Variants in CMBL observed in about 807,000 individuals in gnomAD.
CMBL encodes carboxymethylenebutenolidase homolog, also known as carboxymethylenebutenolidase homolog (Pseudomonas).
Under a neutral mutation model 28.7 loss-of-function variants are expected in CMBL, and 17 were observed. The observed-to-expected ratio is 0.59, with a 90% CI of 0.41 to 0.89. The LOEUF (loss-of-function observed/expected upper bound fraction) is 0.89. Ranked by LOEUF, CMBL falls within the 40% of genes least tolerant of loss-of-function variation. CMBL has a pLI of 0.00. For missense variants in CMBL, 310 were observed against 298.5 expected (o/e 1.04, Z -0.28); for synonymous variants, 106 against 101.6 (o/e 1.04, Z -0.26).
intron 2 of CMBL, 144 bp from the exon 3 acceptor site, chr5:10,288,673 G>A (rs1579472522): frequency 4.7e-6 from 3 of 640,400 alleles, no homozygotes; most frequent in South Asian, 1.7e-5. Context: ...AATTTTGATC[G>A]CAGCAAAGCA....
chr5:10,304,844 C>T (rs1746968958), intron 1 of CMBL, among the ~76,000 whole-genome samples: 1 of 152,002 alleles, frequency 6.6e-6, no homozygotes, highest in South Asian at 2.1e-4. Flanking sequence ...ATAGAATTTA[C>T]AGATCTATCA....
In CMBL at chr5:10,278,491, C is replaced by T. The variant is rs1287735; in HGVS notation, c.*1962G>A. ...GGGGCTCATGCCTGCTTGCTCTAAA[C>T]CCCCCAGTTAGAACCTCCAGGGGAA... On this transcript the variant is annotated 3_prime_UTR_variant, in exon 6 of 6. Transcript: ENST00000296658. Among the ~76,000 whole-genome samples, 36,473 of 151,756 alleles carry T rather than the reference C, an allele frequency of 0.24. 5,575 individuals carry two copies. The highest frequency in any genetic ancestry group is 0.8 in the East Asian group (4,090 of 5,090).
intron 5 of CMBL, among the ~76,000 whole-genome samples, chr5:10,281,169 C>T (rs1035218767): frequency 2.0e-5 from 3 of 152,214 alleles, no homozygotes; most frequent in African/African-American, 7.2e-5. Context: ...TTTGAAATCA[C>T]TTGCATTAAT....
chr5:10,304,256 C>T (rs1156275766), intron 1 of CMBL, among the ~76,000 whole-genome samples: 1 of 152,060 alleles, frequency 6.6e-6, no homozygotes, highest in African/African-American at 2.4e-5. Context: ...GTGGTCCCAG[C>T]CTTTTAGGAG....
intron 2 of CMBL, among the ~76,000 whole-genome samples, chr5:10,288,804 T>C (rs1395635657): frequency 3.3e-5 from 5 of 152,266 alleles, no homozygotes; most frequent in Admixed American, 2.6e-4. Flanking sequence ...TCCCATGGGA[T>C]AGGCTGGCAT....
At chr5:10,285,755 C>T (rs62362615) in intron 4 of CMBL, among the ~76,000 whole-genome samples, 1 of 145,374 alleles carries the variant, frequency 6.9e-6, no homozygotes, top group African/African-American at 2.6e-5. Context: ...TGGAGTGCAG[C>T]GGCATGATCA....
chr5:10,286,926 A>G (rs561143223), intron 3 of CMBL, among the ~76,000 whole-genome samples: 2 of 152,210 alleles, frequency 1.3e-5, no homozygotes, highest in South Asian at 2.1e-4. Flanking sequence ...CTCTCCCATG[A>G]GCAGCCATAA....
intron 1 of CMBL, among the ~76,000 whole-genome samples, chr5:10,295,498 G>A (rs1746793921): frequency 6.6e-6 from 1 of 152,216 alleles, no homozygotes; most frequent in Non-Finnish European, 1.5e-5. Flanking sequence ...TAGACTGAAT[G>A]TGTCCCCAAA....
At chr5:10,294,532 C>A (rs1182980747) in intron 1 of CMBL, among the ~76,000 whole-genome samples, 1 of 151,764 alleles carries the variant, frequency 6.6e-6, no homozygotes. Context: ...CCATGGCACT[C>A]CAGCCTGGAT....
chr5:10,307,410 G>C (rs1300546528), intron 1 of CMBL: 1 of 152,204 alleles, frequency 6.6e-6, no homozygotes, highest in Non-Finnish European at 1.5e-5. Flanking sequence ...TGTAAACAGC[G>C]GCTGCTTCGG....
Position 10,291,676 on chromosome 5 carries a change from A to AG in CMBL, c.-19-896_-19-895insC, listed in dbSNP as rs551471748. ...ACGCCGTCTCAAAAACAAAAAAAAAAAGAAAAGAAAAGAAAAAGAAAGCAA... is the reference window on the plus strand; with the variant it reads ...ACGCCGTCTCAAAAACAAAAAAAAAAGAGAAAAGAAAAGAAAAAGAAAGCAA... On this transcript the variant is annotated intron_variant, in intron 1 of 5. Coordinates refer to ENST00000296658, the MANE Select transcript of CMBL (RefSeq NM_138809.4). Among the ~76,000 whole-genome samples, 67 of 147,052 alleles carry AG rather than the reference A, an allele frequency of 4.6e-4. 1 individual carries two copies. The highest frequency in any genetic ancestry group is 4.2e-4 in the Non-Finnish European group (28 of 67,144).
rs907168414 is a variant in CMBL at position 10,279,105 on chromosome 5, C to T, written c.*1348G>A. 6.6e-6 allele frequency among the ~76,000 whole-genome samples: 1 copy of T among 152,156 alleles called. No homozygotes were observed. Among genetic ancestry groups the T allele is most frequent in the African/African-American group, 2.4e-5 (1 of 41,418 alleles). On this transcript the variant is annotated 3_prime_UTR_variant, in exon 6 of 6. Transcript: ENST00000296658. The stretch of plus-strand genomic sequence containing the variant: ...GTAGGTGCAGGTGCAGAGTTTCTCA[C>T]CGGCTCTCCCCTTTACGCCACCACC...
chr5:10,286,505 G>A lies in CMBL; in HGVS notation c.324-9C>T, dbSNP rs1194859677. 1.2e-6 allele frequency: 2 copies of A among 1,604,658 alleles called. No individual in the cohort carries two copies. The highest frequency in any genetic ancestry group is 8.5e-7 in the Non-Finnish European group (1 of 1,175,850). On this transcript the variant is annotated splice_polypyrimidine_tract_variant and intron_variant, in intron 3 of 5. Coordinates refer to ENST00000296658, the MANE Select transcript of CMBL (RefSeq NM_138809.4). Reference sequence around the variant, plus strand: ...AGATAGCACTGATCTCTCTAGAACAGAAAGAAAAAATATTCAAGAATCAGG... The same window carrying A: ...AGATAGCACTGATCTCTCTAGAACAAAAAGAAAAAATATTCAAGAATCAGG...
intron 1 of CMBL, among the ~76,000 whole-genome samples, chr5:10,298,137 G>C (rs1015500911): frequency 2.0e-5 from 3 of 151,672 alleles, no homozygotes; most frequent in Non-Finnish European, 2.9e-5. Flanking sequence ...GGGACCTGTG[G>C]GGGGAGGAGG....
intron 2 of CMBL, 75 bp downstream of exon 2, chr5:10,290,473 T>C (rs1746688493): frequency 2.3e-6 from 3 of 1,330,762 alleles, no homozygotes; most frequent in Admixed American, 3.4e-5. Context: ...GCTGTGGTTT[T>C]ATTTTTTAAA....
intron 1 of CMBL, among the ~76,000 whole-genome samples, chr5:10,292,788 C>A (rs1303354033): frequency 6.9e-6 from 1 of 144,508 alleles, no homozygotes; most frequent in East Asian, 2.0e-4. Context: ...TGCGCCATTG[C>A]ACTCCAGCCT....
intron 1 of CMBL, among the ~76,000 whole-genome samples, chr5:10,302,972 C>T (rs1236775662): frequency 6.6e-6 from 1 of 152,180 alleles, no homozygotes; most frequent in African/African-American, 2.4e-5. Flanking sequence ...AAGGTCTGAA[C>T]AGAAAACATT....
chr5:10,295,738 A>T (rs1479197278), intron 1 of CMBL, among the ~76,000 whole-genome samples: 1 of 152,218 alleles, frequency 6.6e-6, no homozygotes, highest in Admixed American at 6.5e-5. Context: ...CAGCGCCTCG[A>T]TCTTGGACTT....
intron 2 of CMBL, among the ~76,000 whole-genome samples, chr5:10,288,963 GA>G (rs1746655637): frequency 6.6e-6 from 1 of 152,180 alleles, no homozygotes; most frequent in African/African-American, 2.4e-5. Context: ...CAGTCACTAT[GA>G]CCAGGCAATG....
Sources: gnomAD v4.1 joint callset for allele counts (sites outside exome capture counted in the v4.1 genomes callset) on GRCh38, gnomAD v4.1.1 for gene constraint, MANE v1.5 for transcripts, NCBI Gene and HGNC (gene_info 2026-07-23, HGNC 2026-07-21) for gene names.